Variants in PDLIM5 observed in about 807,000 individuals in gnomAD.
PDLIM5 encodes PDZ and LIM domain 5.
A neutral mutation model predicts 64.2 loss-of-function variants in PDLIM5; 34 were observed. The observed-to-expected ratio is 0.53, with a 90% confidence interval of 0.40 to 0.71. The LOEUF (loss-of-function observed/expected upper bound fraction) is 0.71. Ranked by LOEUF, PDLIM5 falls within the 30% of genes least tolerant of loss-of-function variation. The pLI, the probability that PDLIM5 is intolerant of heterozygous loss-of-function variation, is 0.00. For missense variants in PDLIM5, 683 were observed against 733.6 expected (o/e 0.93, Z 0.80); for synonymous variants, 253 against 269.1 (o/e 0.94, Z 0.59).
intron 2 of PDLIM5, among the ~76,000 whole-genome samples, chr4:94,488,118 G>A (rs1245802295): frequency 6.6e-6 from 1 of 152,192 alleles, no homozygotes; most frequent in African/African-American, 2.4e-5. Context: ...TTTCACTACA[G>A]GCATTTGTTG....
At chr4:94,455,456 C>A in intron 2 of PDLIM5, 72 bp downstream of exon 2, 1 of 919,050 alleles carries the variant, frequency 1.1e-6, no homozygotes, top group Non-Finnish European at 1.8e-6. Context: ...TTGTTTAATT[C>A]TCTGTTGACC....
intron 9 of PDLIM5, among the ~76,000 whole-genome samples, chr4:94,653,616 G>A (rs116771440): frequency 6.6e-5 from 10 of 152,066 alleles, no homozygotes; most frequent in African/African-American, 2.4e-4. Flanking sequence ...TGTTGGGGAG[G>A]GGGGAGAGGG....
chr4:94,592,538 A>T (rs1214173080), intron 7 of PDLIM5, among the ~76,000 whole-genome samples: 1 of 152,244 alleles, frequency 6.6e-6, no homozygotes, highest in Non-Finnish European at 1.5e-5. Context: ...AATCCCACAG[A>T]CTGAAGAATC....
At chr4:94,564,183 A>C (rs1318295163) in intron 3 of PDLIM5, among the ~76,000 whole-genome samples, 1 of 151,978 alleles carries the variant, frequency 6.6e-6, no homozygotes, top group Admixed American at 6.6e-5. Context: ...AGGGTGGTCT[A>C]GATCTCCTGA....
At chr4:94,630,440 C>T (rs186714553) in intron 8 of PDLIM5, among the ~76,000 whole-genome samples, 3 of 152,078 alleles carry the variant, frequency 2.0e-5, no homozygotes, top group Admixed American at 2.0e-4. Context: ...AGTGGCGTGA[C>T]CTGGGCTCAC....
rs770761447 is a variant in PDLIM5, at chr4:94,576,054, T to C, written c.710+20T>C. 1.3e-6 allele frequency: 2 copies of C among 1,592,172 alleles called. No homozygotes were observed. Among genetic ancestry groups the C allele is most frequent in the Non-Finnish European group, 1.7e-6 (2 of 1,164,644 alleles). ...AAATGGGTAGGTGGCTAAGGTGCTT[T>C]CTGCTCTTACTAAAACTCTTCTTTC... On this transcript the variant is annotated intron_variant, in intron 5 of 12. Coordinates refer to ENST00000317968, the MANE Select transcript of PDLIM5 (RefSeq NM_006457.5).
intron 3 of PDLIM5, among the ~76,000 whole-genome samples, chr4:94,557,909 G>T (rs186684267): frequency 1.6e-4 from 24 of 152,232 alleles, no homozygotes; most frequent in African/African-American, 5.1e-4. Context: ...TCTTTCTCCT[G>T]CCTGATTGCC....
chr4:94,632,255 G>A (rs1289673522), intron 8 of PDLIM5, among the ~76,000 whole-genome samples: 7 of 152,308 alleles, frequency 4.6e-5, no homozygotes, highest in African/African-American at 1.7e-4. Flanking sequence ...CATAGCAGTT[G>A]TTCAAAAAAC....
chr4:94,637,911 A>C (rs751799798), intron 8 of PDLIM5, among the ~76,000 whole-genome samples: 1 of 152,154 alleles, frequency 6.6e-6, no homozygotes, highest in East Asian at 1.9e-4. Flanking sequence ...CAAAAGATAG[A>C]GGGTGGGTTT....
Position 94,504,954 on chromosome 4 carries a change from T to C in PDLIM5, c.97-18770T>C, listed in dbSNP as rs556481212. Among the ~76,000 whole-genome samples, 4 of 152,336 alleles carry C rather than the reference T, an allele frequency of 2.6e-5. No individual in the cohort carries two copies. In the South Asian group the frequency reaches 8.3e-4, roughly 32 times the overall value. On this transcript the variant is annotated intron_variant, in intron 2 of 12. Transcript: ENST00000317968. ...ACTGAGACTTTCTAAACCAAGTTTC[T>C]TGTAATGAGTTTGCATAGTCTGAAT...
At chr4:94,637,248 T>C (rs2110448696) in intron 8 of PDLIM5, among the ~76,000 whole-genome samples, 2 of 152,256 alleles carry the variant, frequency 1.3e-5, no homozygotes, top group South Asian at 4.2e-4. Context: ...ATCAAAGGGC[T>C]GTTGTAAGGA....
chr4:94,459,103 A>C (rs1213982450), intron 2 of PDLIM5, among the ~76,000 whole-genome samples: 1 of 152,226 alleles, frequency 6.6e-6, no homozygotes, highest in African/African-American at 2.4e-5. Flanking sequence ...TATATTTTAT[A>C]ACAAGAAATA....
At chr4:94,635,627 A>G (rs934796002) in intron 8 of PDLIM5, among the ~76,000 whole-genome samples, 23 of 152,244 alleles carry the variant, frequency 1.5e-4, no homozygotes, top group African/African-American at 3.4e-4. Flanking sequence ...TTTTCTTTGT[A>G]TGGTAGTGTA....
At position 94,459,628 on chromosome 4, in the gene PDLIM5, A is replaced by G. The variant is rs555463052; in HGVS notation, c.96+4244A>G. Among the ~76,000 whole-genome samples, 3 of 152,336 alleles carry G rather than the reference A, an allele frequency of 2.0e-5. No individual in the cohort carries two copies. The East Asian group carries it at 5.8e-4, about 29-fold the overall frequency. Reference sequence around the variant, plus strand: ...GGGGAGTACAAAGGTTGGATGGAAAAGAAATAAGCACAGTGCTATAGAACT... The same window carrying G: ...GGGGAGTACAAAGGTTGGATGGAAAGGAAATAAGCACAGTGCTATAGAACT... On this transcript the variant is annotated intron_variant, in intron 2 of 12. Transcript: ENST00000317968.
chr4:94,626,861 TG>T (rs1389558684), intron 8 of PDLIM5, among the ~76,000 whole-genome samples: 2 of 152,060 alleles, frequency 1.3e-5, no homozygotes, highest in African/African-American at 4.8e-5. Flanking sequence ...GACTGAATGA[TG>T]TGCATCTCAG....
rs188901595 is a variant in PDLIM5 at position 94,582,113 on chromosome 4, A to G, written c.711-3452A>G. Among the ~76,000 whole-genome samples, 240 of 152,322 alleles carry G rather than the reference A, an allele frequency of 1.6e-3. 3 individuals carry two copies. The highest frequency in any genetic ancestry group is 2.1e-3 in the Non-Finnish European group (143 of 68,020). On this transcript the variant is annotated intron_variant, in intron 5 of 12. Coordinates refer to ENST00000317968, the MANE Select transcript of PDLIM5 (RefSeq NM_006457.5). The stretch of plus-strand genomic sequence containing the variant: ...TTCATCATAGTCGCTACTAAGAAAC[A>G]AGAAAAATTTCAAATGGCATATTAT...
chr4:94,639,398 G>A (rs1017965885), intron 8 of PDLIM5, among the ~76,000 whole-genome samples: 2 of 152,144 alleles, frequency 1.3e-5, no homozygotes, highest in Admixed American at 6.5e-5. Flanking sequence ...ATGTAAGAAG[G>A]ACATTTCTGG....
At chr4:94,459,751 T>TG (rs1396464071) in intron 2 of PDLIM5, among the ~76,000 whole-genome samples, 1 of 152,214 alleles carries the variant, frequency 6.6e-6, no homozygotes, top group Non-Finnish European at 1.5e-5. Flanking sequence ...CTTTTGTTTG[T>TG]GGGGGTTGGT....
intron 2 of PDLIM5, among the ~76,000 whole-genome samples, chr4:94,512,651 G>A (rs1424262101): frequency 6.6e-6 from 1 of 151,638 alleles, no homozygotes; most frequent in Non-Finnish European, 1.5e-5. Flanking sequence ...TTTGTCAGAT[G>A]GGTAGTTTGC....
Sources: gnomAD v4.1 joint callset for allele counts (sites outside exome capture counted in the v4.1 genomes callset) on GRCh38, gnomAD v4.1.1 for gene constraint, MANE v1.5 for transcripts, NCBI Gene and HGNC (gene_info 2026-07-23, HGNC 2026-07-21) for gene names.